Variants in EPHA5 observed in about 807,000 individuals in gnomAD.
EPHA5 encodes the protein EPH receptor A5, also known as ephrin type-A receptor 5.
Under a neutral mutation model 105.0 loss-of-function variants are expected in EPHA5, and 60 were observed. That is an observed-to-expected ratio of 0.57 (90% CI 0.46 to 0.71). EPHA5 has a LOEUF of 0.71. Ranked by LOEUF, EPHA5 falls within the 30% of genes least tolerant of loss-of-function variation. The pLI is 0.00. For missense variants in EPHA5, 1,218 were observed against 1,274.7 expected (o/e 0.96, Z 0.68); for synonymous variants, 513 against 449.1 (o/e 1.14, Z -1.80).
chr4:65,634,835 C>A (rs1442947697), intron 2 of EPHA5, among the ~76,000 whole-genome samples: 1 of 151,932 alleles, frequency 6.6e-6, no homozygotes, highest in Non-Finnish European at 1.5e-5. Flanking sequence ...TTTTTCCTTT[C>A]TTTCAGTAGG....
intron 4 of EPHA5, among the ~76,000 whole-genome samples, chr4:65,494,014 C>T (rs890450447): frequency 8.5e-5 from 13 of 152,288 alleles, no homozygotes; most frequent in Middle Eastern, 3.4e-3. Context: ...GAAATCTCCA[C>T]TGGAACCAAA....
At chr4:65,379,028 T>A (rs1719295715) in intron 8 of EPHA5, among the ~76,000 whole-genome samples, 1 of 151,844 alleles carries the variant, frequency 6.6e-6, no homozygotes, top group Non-Finnish European at 1.5e-5. Context: ...AAAAAAGATG[T>A]CATTTCCTAA....
chr4:65,374,110 T>C (rs1718757855), intron 8 of EPHA5, among the ~76,000 whole-genome samples: 1 of 151,886 alleles, frequency 6.6e-6, no homozygotes, highest in African/African-American at 2.4e-5. Context: ...GATTGTCTTT[T>C]TGAGAAGTAA....
At chr4:65,396,146 C>T (rs974255907) in intron 8 of EPHA5, among the ~76,000 whole-genome samples, 2 of 152,166 alleles carry the variant, frequency 1.3e-5, no homozygotes, top group African/African-American at 2.4e-5. Context: ...GCTACTGGTG[C>T]CAGCTCTGAT....
At chr4:65,613,784 T>C (rs28458815) in intron 2 of EPHA5, among the ~76,000 whole-genome samples, 9,463 of 152,082 alleles carry the variant, frequency 0.062, 392 homozygotes, top group Admixed American at 0.11. Flanking sequence ...AAATGTTTAG[T>C]GATAGCTCTC....
intron 15 of EPHA5, among the ~76,000 whole-genome samples, chr4:65,332,901 A>G (rs1007060148): frequency 9.9e-5 from 15 of 151,930 alleles, no homozygotes; most frequent in Admixed American, 6.6e-5. Context: ...TTTATCTGGA[A>G]GTTAAGAAAC....
rs897430631 is a variant in EPHA5 at position 65,446,249 on chromosome 4, A to C, written c.1403-25684T>G. On this transcript the variant is annotated intron_variant, in intron 5 of 16. Coordinates refer to ENST00000613740, the MANE Select transcript of EPHA5 (RefSeq NM_001281766.3). ...GGTATTATCTTTGCTTTATTGTCTTAGTATGAATAACTTTATATAATGACT... is the reference window on the plus strand; with the variant it reads ...GGTATTATCTTTGCTTTATTGTCTTCGTATGAATAACTTTATATAATGACT... 3.3e-5 allele frequency among the ~76,000 whole-genome samples: 5 copies of C among 152,204 alleles called. No individual in the cohort carries two copies. In the East Asian group the frequency reaches 9.6e-4, roughly 29 times the overall value.
intron 8 of EPHA5, among the ~76,000 whole-genome samples, chr4:65,375,600 T>C (rs937158686): frequency 2.6e-5 from 4 of 151,982 alleles, no homozygotes; most frequent in Non-Finnish European, 5.9e-5. Context: ...CACACTTCCA[T>C]TGAAGCATTT....
chr4:65,451,972 A>G (rs1727111653), intron 5 of EPHA5, among the ~76,000 whole-genome samples: 1 of 152,154 alleles, frequency 6.6e-6, no homozygotes, highest in South Asian at 2.1e-4. Context: ...AAGTCATATT[A>G]TCTTGTTAGT....
At chr4:65,576,114 AAAAAAGAAAAGAAAAGAAAAG>A (rs1741004537) in intron 3 of EPHA5, among the ~76,000 whole-genome samples, 53 of 39,660 alleles carry the variant, frequency 1.3e-3, no homozygotes, top group African/African-American at 3.8e-3. Context: ...AAAAGAAAAG[AAAAAAGAAAAGAAAAGAAAAG>A]AAAGAAAGAA....
chr4:65,414,571 T>A, intron 6 of EPHA5, 128 bp from the exon 7 acceptor site: 1 of 1,039,042 alleles, frequency 9.6e-7, no homozygotes, highest in Non-Finnish European at 1.4e-6. Context: ...ATATAACATT[T>A]TAGAAAAAAA....
intron 6 of EPHA5, among the ~76,000 whole-genome samples, chr4:65,418,772 C>T: frequency 6.8e-6 from 1 of 147,276 alleles, no homozygotes; most frequent in Admixed American, 6.8e-5. Context: ...TTTACACAGG[C>T]AATTGTTGAA....
intron 14 of EPHA5, among the ~76,000 whole-genome samples, chr4:65,342,916 G>T (rs1437515223): frequency 1.3e-5 from 2 of 151,294 alleles, no homozygotes; most frequent in African/African-American, 4.8e-5. Flanking sequence ...GCCAACAGAA[G>T]TAGTAATAAA....
At chr4:65,507,220 G>C (rs528352300) in intron 3 of EPHA5, among the ~76,000 whole-genome samples, 3 of 151,958 alleles carry the variant, frequency 2.0e-5, no homozygotes, top group Admixed American at 6.6e-5. Flanking sequence ...TGTTCCATTG[G>C]TCTATATCTC....
At chr4:65,620,684 T>C (rs1391359564) in intron 2 of EPHA5, among the ~76,000 whole-genome samples, 1 of 152,188 alleles carries the variant, frequency 6.6e-6, no homozygotes, top group Non-Finnish European at 1.5e-5. Flanking sequence ...GTTATATATT[T>C]ATTGTTGTGA....
intron 14 of EPHA5, among the ~76,000 whole-genome samples, chr4:65,346,630 G>A (rs943693737): frequency 2.0e-5 from 3 of 151,890 alleles, no homozygotes; most frequent in Admixed American, 2.0e-4. Context: ...TTGACAAATG[G>A]GATCTAATTA....
In EPHA5 at chr4:65,322,665, A is replaced by G. The variant is rs1377365599; in HGVS notation, c.*1449T>C. 4.4e-6 allele frequency: 1 copy of G among 225,948 alleles called. No individual in the cohort carries two copies. Among genetic ancestry groups the G allele is most frequent in the Non-Finnish European group, 8.8e-6 (1 of 113,396 alleles). 14.0% of individuals were successfully genotyped at this position (225,948 alleles called of 1,614,324 possible). ...CATAGAAGATATGTTATATTCCTTA[A>G]TAAGCCTAATTACATAATACCTTGG... On this transcript the variant is annotated 3_prime_UTR_variant, in exon 17 of 17. Transcript: ENST00000613740.
intron 2 of EPHA5, among the ~76,000 whole-genome samples, chr4:65,619,169 A>G (rs560600201): frequency 1.3e-5 from 2 of 152,226 alleles, no homozygotes; most frequent in African/African-American, 4.8e-5. Context: ...TAAACAAATT[A>G]CATTTACAAT....
intron 5 of EPHA5, among the ~76,000 whole-genome samples, chr4:65,484,527 T>C (rs60251402): frequency 0.097 from 14,709 of 152,182 alleles, 796 homozygotes; most frequent in East Asian, 0.18. Flanking sequence ...TTGCTACCCA[T>C]AGCATGTCAA....
Sources: allele counts gnomAD v4.1 joint callset (sites outside exome capture counted in the v4.1 genomes callset), GRCh38; gene constraint gnomAD v4.1.1; transcripts MANE v1.5; gene names NCBI Gene and HGNC (gene_info 2026-07-23, HGNC 2026-07-21).